AP3B1: variants seen among roughly 807,000 people sequenced by gnomAD.
AP3B1 encodes the protein adaptor related protein complex 3 subunit beta 1.
AP3B1 carries 61 observed loss-of-function variants against 132.5 expected under a neutral mutation model. That is an observed-to-expected ratio of 0.46 (90% CI 0.37 to 0.57). The LOEUF is 0.57. AP3B1 is among the 20% of genes least tolerant of loss of function. The pLI, the probability that AP3B1 is intolerant of heterozygous loss-of-function variation, is 0.00. For missense variants in AP3B1, 1,120 were observed against 1,289.4 expected (o/e 0.87, Z 2.01); for synonymous variants, 388 against 438.3 (o/e 0.89, Z 1.43).
intron 24 of AP3B1, 120 bp downstream of exon 24, chr5:78,034,241 C>G: frequency 1.3e-6 from 1 of 797,782 alleles, no homozygotes; most frequent in Admixed American, 2.0e-5. Context: ...ATTATCAAAG[C>G]AAAACATATT....
intron 2 of AP3B1, among the ~76,000 whole-genome samples, chr5:78,258,203 G>T (rs1040230331): frequency 1.3e-5 from 2 of 152,050 alleles, no homozygotes; most frequent in African/African-American, 4.8e-5. Context: ...CAAAGGACAC[G>T]ATCAACAAAG....
chr5:78,175,618 A>T lies in AP3B1; in HGVS notation c.1167+8T>A. ...TTAAAAGCCTCTGAAAAATGAAAGC[A>T]TACATACCTTCAGTGTCTTGATCAT... On this transcript the variant is annotated splice_region_variant and intron_variant, in intron 11 of 26. Coordinates refer to ENST00000255194, the MANE Select transcript of AP3B1 (RefSeq NM_003664.5). 1.2e-6 allele frequency: 2 copies of T among 1,609,648 alleles called. No individual in the cohort carries two copies. The highest frequency in any genetic ancestry group is 1.7e-6 in the Non-Finnish European group (2 of 1,176,386).
chr5:78,236,247 G>T (rs1391362769), intron 3 of AP3B1, among the ~76,000 whole-genome samples: 1 of 152,090 alleles, frequency 6.6e-6, no homozygotes, highest in Non-Finnish European at 1.5e-5. Flanking sequence ...ACAATAATTG[G>T]TATGGAATTT....
At chr5:78,035,660 T>A (rs772727059) in intron 23 of AP3B1, among the ~76,000 whole-genome samples, 7 of 152,074 alleles carry the variant, frequency 4.6e-5, no homozygotes, top group Non-Finnish European at 7.4e-5. Flanking sequence ...AAAGGAAGTA[T>A]GTTAAAAATA....
chr5:78,195,762 C>T (rs1213446910), intron 7 of AP3B1, among the ~76,000 whole-genome samples: 1 of 151,952 alleles, frequency 6.6e-6, no homozygotes, highest in African/African-American at 2.4e-5. Context: ...GGAGGCTGCA[C>T]TGAGCTGAGA....
At chr5:78,219,854 G>A (rs957077119) in intron 6 of AP3B1, among the ~76,000 whole-genome samples, 9 of 152,204 alleles carry the variant, frequency 5.9e-5, no homozygotes, top group African/African-American at 1.9e-4. Flanking sequence ...AAGTTTAATA[G>A]ATCAACATCT....
chr5:78,059,394 G>C (rs1448816112), intron 22 of AP3B1, among the ~76,000 whole-genome samples: 2 of 152,222 alleles, frequency 1.3e-5, no homozygotes, highest in African/African-American at 4.8e-5. Flanking sequence ...GTGGTAATGT[G>C]TTACATCAGT....
At chr5:78,175,492 G>A (rs1345431574) in intron 11 of AP3B1, 134 bp downstream of exon 11, 3 of 693,896 alleles carry the variant, frequency 4.3e-6, no homozygotes, top group African/African-American at 3.6e-5. Context: ...AGATTGAAAA[G>A]TATAAAGAAA....
intron 22 of AP3B1, among the ~76,000 whole-genome samples, chr5:78,077,656 T>TA (rs1182967400): frequency 1.3e-5 from 2 of 151,258 alleles, no homozygotes; most frequent in African/African-American, 4.8e-5. Flanking sequence ...CCCCAAGCCT[T>TA]CAGGTATACT....
intron 1 of AP3B1, among the ~76,000 whole-genome samples, chr5:78,284,258 A>G (rs973231475): frequency 6.6e-6 from 1 of 152,204 alleles, no homozygotes; most frequent in Admixed American, 6.5e-5. Context: ...CTCTAAACCT[A>G]GGTATATGCT....
chr5:78,188,165 C>G (rs972696144), intron 7 of AP3B1, among the ~76,000 whole-genome samples: 1 of 152,104 alleles, frequency 6.6e-6, no homozygotes, highest in Non-Finnish European at 1.5e-5. Flanking sequence ...TTCAGGACAT[C>G]AGCATGGACA....
rs745776425 is a variant in AP3B1, at chr5:78,128,069, C to T, written c.1929G>A (p.Ala643=). 10 of 1,613,068 alleles carry T rather than the reference C, an allele frequency of 6.2e-6. No individual in the cohort carries two copies. In the Admixed American group the frequency reaches 8.3e-5, roughly 13 times the overall value. ...YLELSNWPEV[A]PDPSVRNVEV... The stretch of plus-strand genomic sequence containing the variant: ...CTACATTTCGAACTGATGGGTCGGG[C>T]GCCACCTCTGGCCAATTAGATAATT... Residue 643 remains alanine, a synonymous_variant, in exon 17 of 27, where the codon GCG becomes GCA. Coordinates refer to ENST00000255194, the MANE Select transcript of AP3B1 (RefSeq NM_003664.5).
At chr5:78,274,576 G>A (rs1324544797) in intron 1 of AP3B1, among the ~76,000 whole-genome samples, 2 of 151,984 alleles carry the variant, frequency 1.3e-5, no homozygotes, top group Admixed American at 6.6e-5. Flanking sequence ...ACTACACCAG[G>A]TACAGCATAG....
intron 1 of AP3B1, among the ~76,000 whole-genome samples, chr5:78,270,992 A>G (rs1748523638): frequency 6.6e-6 from 1 of 152,242 alleles, no homozygotes; most frequent in Admixed American, 6.5e-5. Flanking sequence ...AACAACAAAC[A>G]TAATAAGTAA....
chr5:78,181,707 C>T, intron 7 of AP3B1, 45 bp from the exon 8 acceptor site: 6 of 1,558,432 alleles, frequency 3.9e-6, no homozygotes, highest in Non-Finnish European at 5.3e-6. Context: ...AGACCTTGAG[C>T]AATCTGCATA....
intron 3 of AP3B1, among the ~76,000 whole-genome samples, chr5:78,236,365 T>A (rs1003066208): frequency 1.3e-4 from 19 of 151,646 alleles, no homozygotes; most frequent in Non-Finnish European, 1.9e-4. Context: ...AGAAAAAAAA[T>A]ATGCCAATAC....
At chr5:78,049,020 T>A (rs1289252062) in intron 22 of AP3B1, among the ~76,000 whole-genome samples, 1 of 152,228 alleles carries the variant, frequency 6.6e-6, no homozygotes, top group East Asian at 1.9e-4. Flanking sequence ...CTGCCATATC[T>A]GTAGGTCAAA....
intron 7 of AP3B1, among the ~76,000 whole-genome samples, chr5:78,199,987 A>G (rs1233304715): frequency 6.6e-6 from 1 of 152,154 alleles, no homozygotes; most frequent in Non-Finnish European, 1.5e-5. Flanking sequence ...AATCATATAA[A>G]CAAGTTATTT....
At chr5:78,230,656 ACCAAGTTCCACTTCC>A (rs150760724) in intron 3 of AP3B1, among the ~76,000 whole-genome samples, 5,449 of 152,260 alleles carry the variant, frequency 0.036, 171 homozygotes, top group East Asian at 0.14. Context: ...ATCCCGCTTC[ACCAAGTTCCACTTCC>A]CCAAGTTCCA....
Sources: allele counts gnomAD v4.1 joint callset (sites outside exome capture counted in the v4.1 genomes callset), GRCh38; gene constraint gnomAD v4.1.1; transcripts MANE v1.5; gene names NCBI Gene and HGNC (gene_info 2026-07-23, HGNC 2026-07-21).